The following SETD1A variants were observed in gnomAD, a reference collection of about 807,000 sequenced individuals.
SETD1A encodes the protein SET domain containing 1A, histone lysine methyltransferase.
Under a neutral mutation model 149.9 loss-of-function variants are expected in SETD1A, and 29 were observed. That is an observed-to-expected ratio of 0.19 (90% CI 0.14 to 0.26). The LOEUF is 0.26. Ranked by LOEUF, SETD1A falls within the 10% of genes least tolerant of loss-of-function variation. The pLI is 1.00. For synonymous variants in SETD1A, 1,141 were observed against 968.5 expected, an observed-to-expected ratio of 1.18 and a Z score of -3.31; for missense variants, 2,109 against 2,353.1, an observed-to-expected ratio of 0.90 and a Z score of 2.15.
intron 13 of SETD1A, among the ~76,000 whole-genome samples, chr16:30,975,446 TTTGAGA>T (rs1286081013): frequency 2.9e-4 from 44 of 150,628 alleles, no homozygotes; most frequent in African/African-American, 1.0e-3. Context: ...TTTTTTTTTT[TTTGAGA>T]TGGAGTCTCA....
At position 30,965,111 on chromosome 16, in the gene SETD1A, C is replaced by A. The variant is rs747637239; in HGVS notation, c.1369C>A (p.Arg457=). 6.2e-7 allele frequency: 1 copy of A among 1,611,550 alleles called. No individual in the cohort carries two copies. Among genetic ancestry groups the A allele is most frequent in the Non-Finnish European group, 8.5e-7 (1 of 1,179,826 alleles). The change falls in exon 7 of 19, where the codon CGG becomes AGG. Residue 457 remains arginine, a synonymous_variant. Transcript: ENST00000262519. The part of the protein sequence containing the change: ...GGPSPEREEV[R]TSPRPASPAR... ...GCCCAGCCCTGAGAGAGAAGAAGTT[C>A]GGACTTCCCCCCGCCCAGCCTCCCC...
chr16:30,971,993 C>T (rs1194416743), intron 13 of SETD1A, among the ~76,000 whole-genome samples: 3 of 152,128 alleles, frequency 2.0e-5, no homozygotes, highest in Admixed American at 2.0e-4. Flanking sequence ...AGAAAGTGCC[C>T]AGTTGAATAA....
chr16:30,966,804 T>C, intron 8 of SETD1A, 80 bp from the exon 9 acceptor site: 2 of 1,434,492 alleles, frequency 1.4e-6, no homozygotes, highest in Non-Finnish European at 1.9e-6. Flanking sequence ...TCTGTATTCC[T>C]GGGGTCCGGG....
chr16:30,964,674 G>A lies in SETD1A; in HGVS notation c.932G>A (p.Arg311His), dbSNP rs764044469. Reference protein sequence around the residue: ...SENSYQDAFSRRHFSASSAST... With the variant: ...SENSYQDAFSHRHFSASSAST... ...AACAGCTACCAAGATGCCTTTTCCC[G>A]CCGCCACTTCTCTGCATCTTCAGCC... Residue 311 changes from arginine (R) to histidine (H), a missense_variant, in exon 7 of 19, where the codon CGC (arginine) becomes CAC (histidine). Coordinates refer to ENST00000262519, the MANE Select transcript of SETD1A (RefSeq NM_014712.3). 25 of 1,613,786 alleles carry A rather than the reference G, an allele frequency of 1.5e-5. No homozygotes were observed. Among genetic ancestry groups the A allele is most frequent in the Middle Eastern group, 1.6e-4 (1 of 6,084 alleles).
chr16:30,971,675 T>G lies in SETD1A; in HGVS notation c.3314T>G (p.Val1105Gly). 3.7e-6 allele frequency: 6 copies of G among 1,601,746 alleles called. No individual in the cohort carries two copies. The highest frequency in any genetic ancestry group is 1.3e-5 in the African/African-American group (1 of 74,752). Residue 1105 changes from valine (V) to glycine (G), a missense_variant, in exon 13 of 19, where the codon GTC becomes GGC. Coordinates refer to ENST00000262519, the MANE Select transcript of SETD1A (RefSeq NM_014712.3). The part of the protein sequence containing the change: ...PVPERVAGSP[V>G]TPLPEQEASP... ...CCGGAAAGGGTTGCAGGCTCCCCAG[T>G]CACACCCCTGCCCGAACAGGAGGCG...
intron 9 of SETD1A, 92 bp from the exon 10 acceptor site, chr16:30,967,409 C>T: frequency 8.5e-7 from 1 of 1,172,232 alleles, no homozygotes; most frequent in Non-Finnish European, 1.3e-6. Flanking sequence ...CTGCCTTGGC[C>T]TCCCAAAGTG....
Position 30,959,164 on chromosome 16 carries a change from C to G in SETD1A, c.224C>G (p.Ser75Cys), listed in dbSNP as rs886894347. Reference protein sequence around the residue: ...CHVRSKNRDFSLPVPKFKLDE... With the variant: ...CHVRSKNRDFCLPVPKFKLDE... ...GTCAGGTCCAAAAACAGAGACTTTT[C>G]CCTCCCAGTCCCTAAGTTTAAGGTA... The change falls in exon 3 of 19, where the codon TCC (serine) becomes TGC (cysteine). Residue 75 changes from serine to cysteine, a missense_variant. Coordinates refer to ENST00000262519, the MANE Select transcript of SETD1A (RefSeq NM_014712.3). 6.2e-7 allele frequency: 1 copy of G among 1,612,112 alleles called. No individual in the cohort carries two copies. The highest frequency in any genetic ancestry group is 1.1e-5 in the South Asian group (1 of 91,052).
At position 30,979,518 on chromosome 16, in the gene SETD1A, G is replaced by C. The variant is rs767881138; in HGVS notation, c.3732G>C (p.Glu1244Asp). ...GGRGRLTEEE[E>D]AEPGTEVDLA... ...GAGGCCGCCTCACCGAGGAAGAGGA[G>C]GCTGAGCCAGGGACAGAGGTGGACC... Residue 1244 changes from glutamate (E) to aspartate (D), a missense_variant, in exon 14 of 19, where the codon GAG becomes GAC. By Grantham distance (45) the Glu-to-Asp change is conservative. This residue lies in a region of SETD1A where 832 missense variants were observed against 815.6 expected (regional missense o/e 1.02). Transcript: ENST00000262519. 3 of 1,607,270 alleles carry C rather than the reference G, an allele frequency of 1.9e-6. No individual in the cohort carries two copies. The highest frequency in any genetic ancestry group is 2.5e-6 in the Non-Finnish European group (3 of 1,177,834).
Position 30,965,003 on chromosome 16 carries a change from A to G in SETD1A, c.1261A>G (p.Thr421Ala), listed in dbSNP as rs140530076. Residue 421 changes from threonine (T) to alanine (A), a missense_variant, in exon 7 of 19, where the codon ACC becomes GCC. Transcript: ENST00000262519. Reference protein sequence around the residue: ...SYLPPEPSRPTDQDYRPPASE... With the variant: ...SYLPPEPSRPADQDYRPPASE... The stretch of plus-strand genomic sequence containing the variant: ...CCTGCCCCCCGAGCCCAGCCGGCCC[A>G]CCGACCAGGACTACCGGCCTCCTGC... 6.2e-7 allele frequency: 1 copy of G among 1,612,834 alleles called. No homozygotes were observed. Among genetic ancestry groups the G allele is most frequent in the Admixed American group, 1.7e-5 (1 of 59,952 alleles).
At chr16:30,966,726 T>A in intron 8 of SETD1A, 158 bp from the exon 9 acceptor site, 1 of 464,194 alleles carries the variant, frequency 2.2e-6, no homozygotes, top group Non-Finnish European at 2.8e-6. Context: ...AATGACAGAC[T>A]TTTGAGAAAA....
intron 12 of SETD1A, 84 bp downstream of exon 12, chr16:30,969,773 C>T: frequency 1.9e-6 from 2 of 1,080,480 alleles, no homozygotes; most frequent in South Asian, 2.5e-5. Context: ...CCCACATGAC[C>T]TTCCTGCTGG....
intron 4 of SETD1A, among the ~76,000 whole-genome samples, chr16:30,962,292 T>G (rs539967050): frequency 6.6e-6 from 1 of 152,310 alleles, no homozygotes; most frequent in Admixed American, 6.5e-5. Context: ...CTTGAACTCC[T>G]GACCTCAAGT....
chr16:30,984,364 G>A lies in SETD1A; in HGVS notation c.*341G>A. The A allele has an allele frequency of 3.9e-6, 1 of 257,814 alleles. No individual in the cohort carries two copies. Among genetic ancestry groups the A allele is most frequent in the Non-Finnish European group, 7.5e-6 (1 of 133,272 alleles). The allele number at this position is 257,814 out of a possible 1,614,324, so 16.0% of individuals were successfully genotyped here. On this transcript the variant is annotated 3_prime_UTR_variant, in exon 19 of 19. Coordinates refer to ENST00000262519, the MANE Select transcript of SETD1A (RefSeq NM_014712.3). ...CAGTCCTCTTGCTTTGTGTTAATGG[G>A]GACTTCCCCTTACGCCCTGCGTGTA...
intron 13 of SETD1A, among the ~76,000 whole-genome samples, chr16:30,977,611 G>T (rs1007369319): frequency 6.6e-6 from 1 of 152,228 alleles, no homozygotes; most frequent in Non-Finnish European, 1.5e-5. Context: ...TGTAGGGGGC[G>T]CTGCCCCAGC....
rs752985910 is a variant in SETD1A, at chr16:30,966,347, C to T, written c.2466C>T (p.Ala822=). Residue 822 remains alanine, a synonymous_variant, in exon 8 of 19, where the codon GCC becomes GCT. Coordinates refer to ENST00000262519, the MANE Select transcript of SETD1A (RefSeq NM_014712.3). The part of the protein sequence containing the change: ...RKMVENVAFG[A]FDQWWESKEE... The stretch of plus-strand genomic sequence containing the variant: ...TGGTGGAGAACGTGGCCTTCGGAGC[C>T]TTTGACCAGTGGTGGGAGAGCAAGG... 1.9e-6 allele frequency: 3 copies of T among 1,612,934 alleles called. No individual in the cohort carries two copies. The highest frequency in any genetic ancestry group is 1.6e-4 in the Middle Eastern group (1 of 6,082).
chr16:30,982,758 C>T (rs1476782231), intron 17 of SETD1A, among the ~76,000 whole-genome samples: 4 of 151,808 alleles, frequency 2.6e-5, no homozygotes, highest in Non-Finnish European at 5.9e-5. Context: ...AAGGGTGGCC[C>T]GACCCAAGCA....
rs1162791494 is a variant in SETD1A, at chr16:30,959,190, A to G, written c.246+4A>G. ...CCTCCCAGTCCCTAAGTTTAAGGTA[A>G]GTGTCTGCTGGGCTCCTGGTGTGGT... On this transcript the variant is annotated splice_donor_region_variant and intron_variant, in intron 3 of 18. Coordinates refer to ENST00000262519, the MANE Select transcript of SETD1A (RefSeq NM_014712.3). 4 of 1,589,094 alleles carry G rather than the reference A, an allele frequency of 2.5e-6. No individual in the cohort carries two copies. The highest frequency in any genetic ancestry group is 2.7e-5 in the African/African-American group (2 of 74,326).
chr16:30,984,126 C>T lies in SETD1A; in HGVS notation c.*103C>T. On this transcript the variant is annotated 3_prime_UTR_variant, in exon 19 of 19. Coordinates refer to ENST00000262519, the MANE Select transcript of SETD1A (RefSeq NM_014712.3). ...TGGGCTCAGCAGGGCCCACATGCCC[C>T]CATCTCCAAGCGTGGGGTTGGGGGC... 8.8e-7 allele frequency: 1 copy of T among 1,134,118 alleles called. No individual in the cohort carries two copies. The highest frequency in any genetic ancestry group is 1.2e-6 in the Non-Finnish European group (1 of 821,424). 70.3% of individuals were successfully genotyped at this position (1,134,118 alleles called of 1,614,324 possible).
chr16:30,979,972 T>C lies in SETD1A; in HGVS notation c.4186T>C (p.Ser1396Pro), dbSNP rs1446386668. 20 of 1,517,116 alleles carry C rather than the reference T, an allele frequency of 1.3e-5. No individual in the cohort carries two copies. The highest frequency in any genetic ancestry group is 9.7e-6 in the Non-Finnish European group (11 of 1,136,788). The allele number at this position is 1,517,116 out of a possible 1,614,324, so 94.0% of individuals were successfully genotyped here. Residue 1396 changes from serine to proline, a missense_variant, in exon 14 of 19, where the codon TCC becomes CCC. Transcript: ENST00000262519. ...CGCCCTCCGGAGGCGCAGCCTCCGC[T>C]CCCACGCCCGGCGCCGCCGCCCTCC... ...EGALRRRSLR[S>P]HARRRRPPPP...
Sources: gnomAD v4.1 joint callset for allele counts (sites outside exome capture counted in the v4.1 genomes callset) on GRCh38, gnomAD v4.1.1 for gene constraint, gnomAD v4.1.1 regional missense constraint, MANE v1.5 for transcripts, NCBI Gene and HGNC (gene_info 2026-07-23, HGNC 2026-07-21) for gene names.